Variants in CCDC169 observed in about 807,000 individuals in gnomAD.
The protein encoded by CCDC169 is coiled-coil domain containing 169, also known as coiled-coil domain-containing protein 169.
A neutral mutation model predicts 36.0 loss-of-function variants in CCDC169; 30 were observed. That is an observed-to-expected ratio of 0.83 (90% CI 0.62 to 1.13). CCDC169 has a LOEUF of 1.13. Among genes scored for constraint, CCDC169 ranks in the 50% most tolerant of loss-of-function variants. CCDC169 has a pLI of 0.00. For missense variants in CCDC169, 245 were observed against 245.9 expected (o/e 1.00, Z 0.03); for synonymous variants, 85 against 81.5 (o/e 1.04, Z -0.23).
At chr13:36,285,414 G>A (rs1171032137) in intron 2 of CCDC169, among the ~76,000 whole-genome samples, 4 of 152,048 alleles carry the variant, frequency 2.6e-5, no homozygotes, top group Admixed American at 2.0e-4. Context: ...GCCAGGCATG[G>A]TGGCAGGTGC....
At position 36,246,230 on chromosome 13, in the gene CCDC169, T is replaced by C. The variant is rs569195075; in HGVS notation, c.545+2376A>G. Among the ~76,000 whole-genome samples the C allele has an allele frequency of 1.1e-4, 16 of 152,312 alleles. No individual in the cohort carries two copies. In the South Asian group the frequency reaches 3.3e-3, roughly 32 times the overall value. Reference sequence around the variant, plus strand: ...AGAAATGATAAGCTTAGTCATTTAGTGAGGAAGGTATGTTGAAAGCTGAGA... The same window carrying C: ...AGAAATGATAAGCTTAGTCATTTAGCGAGGAAGGTATGTTGAAAGCTGAGA... On this transcript the variant is annotated intron_variant, in intron 7 of 7. Coordinates refer to ENST00000239859, the MANE Select transcript of CCDC169 (RefSeq NM_001144981.3).
At chr13:36,239,379 T>G (rs377552451) in intron 7 of CCDC169, among the ~76,000 whole-genome samples, 4 of 152,318 alleles carry the variant, frequency 2.6e-5, no homozygotes, top group East Asian at 1.9e-4. Context: ...TCAGTCATGG[T>G]CAACACAGTT....
intron 6 of CCDC169, among the ~76,000 whole-genome samples, chr13:36,249,758 G>A (rs2138456298): frequency 6.6e-6 from 1 of 152,290 alleles, no homozygotes; most frequent in Non-Finnish European, 1.5e-5. Flanking sequence ...AAGTCCTAGA[G>A]ACAGCAGATA....
At chr13:36,289,374 A>G (rs1230808580) in intron 2 of CCDC169, among the ~76,000 whole-genome samples, 2 of 152,194 alleles carry the variant, frequency 1.3e-5, no homozygotes, top group African/African-American at 4.8e-5. Flanking sequence ...TAGAAAAGCA[A>G]TATTTTCCTT....
intron 7 of CCDC169, among the ~76,000 whole-genome samples, chr13:36,240,851 T>G (rs1426947682): frequency 6.6e-6 from 1 of 152,150 alleles, no homozygotes; most frequent in Non-Finnish European, 1.5e-5. Flanking sequence ...TTGTCTAGAC[T>G]TTTTTGGCAA....
chr13:36,233,288 A>G (rs1870663186), intron 7 of CCDC169, among the ~76,000 whole-genome samples: 1 of 152,194 alleles, frequency 6.6e-6, no homozygotes, highest in South Asian at 2.1e-4. Flanking sequence ...AAAAGTCACT[A>G]AACAAGCAGC....
downstream of CCDC169, among the ~76,000 whole-genome samples, chr13:36,229,295 T>G (rs1238993938): frequency 6.6e-6 from 1 of 152,154 alleles, no homozygotes; most frequent in Non-Finnish European, 1.5e-5. Flanking sequence ...TTCTTTATAC[T>G]CTCTCAACAT....
chr13:36,269,705 C>A (rs933058281), intron 4 of CCDC169, among the ~76,000 whole-genome samples: 1 of 152,146 alleles, frequency 6.6e-6, no homozygotes, highest in African/African-American at 2.4e-5. Context: ...GCAGAAAAAG[C>A]ACTGGACAAA....
chr13:36,252,614 C>T (rs570433279), intron 6 of CCDC169, among the ~76,000 whole-genome samples: 30 of 152,336 alleles, frequency 2.0e-4, no homozygotes, highest in Admixed American at 1.0e-3. Context: ...CACTGTTGAA[C>T]TTCTTCAGAG....
At chr13:36,246,862 C>A (rs913001717) in intron 7 of CCDC169, among the ~76,000 whole-genome samples, 1 of 152,154 alleles carries the variant, frequency 6.6e-6, no homozygotes, top group Non-Finnish European at 1.5e-5. Context: ...CCTATCTCAG[C>A]CCCACAGTCC....
At chr13:36,287,162 ATCTTCCC>A (rs144450268) in intron 2 of CCDC169, among the ~76,000 whole-genome samples, 38,176 of 151,744 alleles carry the variant, frequency 0.25, 5,010 homozygotes, top group East Asian at 0.48. Flanking sequence ...TTCTAAAGCT[ATCTTCCC>A]TCTTCCCCTC....
intron 4 of CCDC169, among the ~76,000 whole-genome samples, chr13:36,275,577 T>C (rs1030211592): frequency 2.0e-5 from 3 of 152,166 alleles, no homozygotes; most frequent in African/African-American, 7.2e-5. Context: ...TAAAAATATA[T>C]ACTTACACGT....
intron 6 of CCDC169, among the ~76,000 whole-genome samples, chr13:36,251,937 T>C (rs1365713553): frequency 6.6e-6 from 1 of 152,216 alleles, no homozygotes; most frequent in Admixed American, 6.5e-5. Context: ...TTCGCACATA[T>C]TATTTCTCTA....
chr13:36,232,087 T>C (rs934383243), intron 7 of CCDC169, among the ~76,000 whole-genome samples: 2 of 152,190 alleles, frequency 1.3e-5, no homozygotes, highest in Non-Finnish European at 1.5e-5. Flanking sequence ...AACAAACGGC[T>C]GAAACTTCGA....
downstream of CCDC169, chr13:36,227,475 T>TACACACAC (rs138475016): frequency 0.017 from 19,801 of 1,140,458 alleles, 183 homozygotes; most frequent in Admixed American, 0.019. Context: ...ATTGTATTTT[T>TACACACAC]ACACACACAC....
At chr13:36,288,313 C>A (rs924574343) in intron 2 of CCDC169, among the ~76,000 whole-genome samples, 2 of 152,064 alleles carry the variant, frequency 1.3e-5, no homozygotes, top group African/African-American at 4.8e-5. Context: ...CGTGCCCGAC[C>A]CGGAAATAAC....
At chr13:36,242,406 C>T (rs557134592) in intron 7 of CCDC169, among the ~76,000 whole-genome samples, 3 of 152,160 alleles carry the variant, frequency 2.0e-5, no homozygotes, top group East Asian at 3.9e-4. Context: ...TGCCTAATAC[C>T]GTGACTTCCT....
intron 7 of CCDC169, among the ~76,000 whole-genome samples, chr13:36,235,278 A>G (rs1870937242): frequency 6.6e-6 from 1 of 151,854 alleles, no homozygotes; most frequent in African/African-American, 2.4e-5. Context: ...CTTCACACGC[A>G]CTTCATAAAA....
chr13:36,288,517 T>C (rs1229884134), intron 2 of CCDC169, among the ~76,000 whole-genome samples: 1 of 152,196 alleles, frequency 6.6e-6, no homozygotes, highest in Non-Finnish European at 1.5e-5. Context: ...TAATTTGATT[T>C]CTGGGACATT....
Sources: allele counts gnomAD v4.1 joint callset (sites outside exome capture counted in the v4.1 genomes callset), GRCh38; gene constraint gnomAD v4.1.1; transcripts MANE v1.5; gene names NCBI Gene and HGNC (gene_info 2026-07-23, HGNC 2026-07-21).